The following NCAM2 variants were observed in gnomAD, a reference collection of about 807,000 sequenced individuals.
The protein encoded by NCAM2 is N-CAM-2.
A neutral mutation model predicts 98.1 loss-of-function variants in NCAM2; 30 were observed. The observed-to-expected ratio is 0.31, with a 90% CI of 0.23 to 0.41. NCAM2 has a LOEUF of 0.41. Ranked by LOEUF, NCAM2 falls within the 10% of genes least tolerant of loss-of-function variation. The probability of loss-of-function intolerance (pLI) is 1.00; values close to 1 mark genes in which losing one functional copy is unlikely to be tolerated. For missense variants in NCAM2, 867 were observed against 1,005.8 expected (o/e 0.86, Z 1.87); for synonymous variants, 368 against 342.4 (o/e 1.07, Z -0.83).
At chr21:21,357,815 A>G (rs2075531922) in intron 8 of NCAM2, among the ~76,000 whole-genome samples, 1 of 152,192 alleles carries the variant, frequency 6.6e-6, no homozygotes, top group Admixed American at 6.5e-5. Flanking sequence ...ACAGAACAAA[A>G]AGCGAAGAAC....
intron 1 of NCAM2, among the ~76,000 whole-genome samples, chr21:21,092,394 A>G (rs2066031754): frequency 6.6e-6 from 1 of 152,050 alleles, no homozygotes; most frequent in African/African-American, 2.4e-5. Context: ...TTTTATCTTT[A>G]TATAATACAA....
chr21:21,088,229 T>A (rs1359900087), intron 1 of NCAM2, among the ~76,000 whole-genome samples: 1 of 152,208 alleles, frequency 6.6e-6, no homozygotes, highest in Admixed American at 6.5e-5. Context: ...AGGGCGAGCA[T>A]CATATCCTTT....
intron 9 of NCAM2, among the ~76,000 whole-genome samples, chr21:21,378,511 A>G (rs2076082784): frequency 6.6e-6 from 1 of 152,018 alleles, no homozygotes. Flanking sequence ...TGCCCATTTT[A>G]AAATCAGGTT....
intron 1 of NCAM2, among the ~76,000 whole-genome samples, chr21:21,091,498 G>A (rs1601340094): frequency 1.3e-5 from 2 of 152,032 alleles, no homozygotes; most frequent in African/African-American, 4.8e-5. Flanking sequence ...TCACGATGCT[G>A]ATAAGACAAA....
At chr21:21,178,725 T>C (rs997587) in intron 1 of NCAM2, among the ~76,000 whole-genome samples, 69,814 of 151,444 alleles carry the variant, frequency 0.46, 16,897 homozygotes, top group South Asian at 0.61. Context: ...GTCTATATTA[T>C]TTTACAGAAG....
At position 21,180,458 on chromosome 21, in the gene NCAM2, C is replaced by T. The variant is rs539495594; in HGVS notation, c.56-100120C>T. Among the ~76,000 whole-genome samples, 39 of 152,168 alleles carry T rather than the reference C, an allele frequency of 2.6e-4. No individual in the cohort carries two copies. The Middle Eastern group carries it at 0.021, about 80-fold the overall frequency. On this transcript the variant is annotated intron_variant, in intron 1 of 17. Transcript: ENST00000400546. ...TGTTTCCTCACTTTGTTAATTGTCA[C>T]TCTTACAAGATTCAATTTGTTGAGT...
At chr21:21,534,118 G>A (rs1380368938) in intron 16 of NCAM2, among the ~76,000 whole-genome samples, 2 of 151,670 alleles carry the variant, frequency 1.3e-5, no homozygotes, top group African/African-American at 4.8e-5. Flanking sequence ...ATTTTAAAAT[G>A]TTTTCTTTTT....
intron 1 of NCAM2, among the ~76,000 whole-genome samples, chr21:21,234,487 A>G (rs1601720401): frequency 6.6e-6 from 1 of 151,952 alleles, no homozygotes; most frequent in African/African-American, 2.4e-5. Context: ...AAATTAACTT[A>G]GAATGTGTAT....
rs143881093 is a variant in NCAM2 at position 21,079,275 on chromosome 21, C to T, written c.55+80657C>T. 1.5e-3 allele frequency among the ~76,000 whole-genome samples: 224 copies of T among 151,522 alleles called. 1 individual carries two copies. The highest frequency in any genetic ancestry group is 5.4e-3 in the African/African-American group (223 of 41,318). Reference sequence around the variant, plus strand: ...TTCTTACTCTGAATTCCTGTTTCATCTTAGAGATGATTTTTGCTTTTATCT... The same window carrying T: ...TTCTTACTCTGAATTCCTGTTTCATTTTAGAGATGATTTTTGCTTTTATCT... On this transcript the variant is annotated intron_variant, in intron 1 of 17. Transcript: ENST00000400546.
chr21:21,092,321 CT>C (rs1253697579), intron 1 of NCAM2, among the ~76,000 whole-genome samples: 1 of 151,848 alleles, frequency 6.6e-6, no homozygotes, highest in Non-Finnish European at 1.5e-5. Context: ...AAGTAGACTT[CT>C]TATAATATTT....
At chr21:21,315,495 G>A (rs2074194632) in intron 5 of NCAM2, among the ~76,000 whole-genome samples, 1 of 152,156 alleles carries the variant, frequency 6.6e-6, no homozygotes, top group Non-Finnish European at 1.5e-5. Context: ...TAATGAGGAG[G>A]ATAAAAGCAA....
At chr21:21,442,534 G>A (rs57406477) in intron 12 of NCAM2, among the ~76,000 whole-genome samples, 1,665 of 152,206 alleles carry the variant, frequency 0.011, 37 homozygotes, top group African/African-American at 0.037. Context: ...CTTTAATCCC[G>A]TAGAAATACC....
intron 1 of NCAM2, among the ~76,000 whole-genome samples, chr21:21,193,711 GTCTTGATCTGTTGACC>G (rs946070602): frequency 6.6e-6 from 1 of 151,926 alleles, no homozygotes; most frequent in African/African-American, 2.4e-5. Flanking sequence ...GGCCAGGATG[GTCTTGATCTGTTGACC>G]TCATGATCCG....
chr21:21,166,353 G>A (rs568643094), intron 1 of NCAM2, among the ~76,000 whole-genome samples: 5 of 152,134 alleles, frequency 3.3e-5, no homozygotes, highest in East Asian at 1.9e-4. Context: ...GATTACAGGC[G>A]CCCACCACCA....
At chr21:21,082,061 C>A (rs1405393176) in intron 1 of NCAM2, among the ~76,000 whole-genome samples, 1 of 151,480 alleles carries the variant, frequency 6.6e-6, no homozygotes, top group African/African-American at 2.4e-5. Flanking sequence ...AACCCCATCT[C>A]TACTAAAAAT....
chr21:21,379,369 A>G (rs1253171878), intron 9 of NCAM2, among the ~76,000 whole-genome samples: 1 of 152,024 alleles, frequency 6.6e-6, no homozygotes, highest in Non-Finnish European at 1.5e-5. Context: ...TGTATTTTAG[A>G]TAATTCTTAT....
intron 1 of NCAM2, among the ~76,000 whole-genome samples, chr21:21,261,693 G>T (rs2071905906): frequency 6.6e-6 from 1 of 152,072 alleles, no homozygotes; most frequent in African/African-American, 2.4e-5. Context: ...TACCAAAATT[G>T]TTGGGATACA....
intron 17 of NCAM2, among the ~76,000 whole-genome samples, chr21:21,535,285 A>G (rs1487324905): frequency 6.6e-6 from 1 of 152,104 alleles, no homozygotes; most frequent in Non-Finnish European, 1.5e-5. Flanking sequence ...TTCAAAGCAA[A>G]GGCATTATTA....
At chr21:21,056,473 A>G (rs2065211533) in intron 1 of NCAM2, among the ~76,000 whole-genome samples, 1 of 136,598 alleles carries the variant, frequency 7.3e-6, no homozygotes, top group African/African-American at 2.7e-5. Context: ...AGTTTAGAGC[A>G]AGTGACAGAG....
Sources: allele counts gnomAD v4.1 joint callset (sites outside exome capture counted in the v4.1 genomes callset), GRCh38; gene constraint gnomAD v4.1.1; transcripts MANE v1.5; gene names NCBI Gene and HGNC (gene_info 2026-07-23, HGNC 2026-07-21).